Variants in KIAA1549L observed in about 807,000 individuals in gnomAD.
The protein encoded by KIAA1549L is UPF0606 protein KIAA1549L.
KIAA1549L carries 88 observed loss-of-function variants against 160.7 expected under a neutral mutation model. That is an observed-to-expected ratio of 0.55 (90% CI 0.46 to 0.65). KIAA1549L has a LOEUF of 0.65. Ranked by LOEUF, KIAA1549L falls within the 30% of genes least tolerant of loss-of-function variation. The pLI is 0.00. For missense variants in KIAA1549L, 2,258 were observed against 2,437.5 expected (o/e 0.93, Z 1.55); for synonymous variants, 950 against 976.7 (o/e 0.97, Z 0.51).
chr11:33,591,932 A>G (rs1850067232), intron 12 of KIAA1549L, among the ~76,000 whole-genome samples: 1 of 152,178 alleles, frequency 6.6e-6, no homozygotes, highest in African/African-American at 2.4e-5. Context: ...AATACCGAGG[A>G]TGAGGTATTG....
At chr11:33,570,732 A>T (rs974615204) in intron 9 of KIAA1549L, among the ~76,000 whole-genome samples, 3 of 152,248 alleles carry the variant, frequency 2.0e-5, no homozygotes, top group African/African-American at 7.2e-5. Flanking sequence ...TTAAGTTGAC[A>T]TATTTGAAAA....
chr11:33,491,539 G>A (rs959558018), intron 1 of KIAA1549L, among the ~76,000 whole-genome samples: 1 of 152,036 alleles, frequency 6.6e-6, no homozygotes, highest in African/African-American at 2.4e-5. Context: ...ATTTTCTATT[G>A]GGCTATTTTC....
At chr11:33,658,724 T>C in intron 18 of KIAA1549L, 26 bp from the exon 19 acceptor site, 1 of 1,562,102 alleles carries the variant, frequency 6.4e-7, no homozygotes, top group Non-Finnish European at 8.7e-7. Context: ...GGGACAGTGC[T>C]AACGCAGTCC....
Position 33,419,857 on chromosome 11 carries a change from T to TATACATAC in KIAA1549L, c.238+43012_238+43019dup, listed in dbSNP as rs60868652. The stretch of plus-strand genomic sequence containing the variant: ...GCAAGACTGTCTTTAAAAAAAATGT[T>TATACATAC]ATACATACATACATACATACATACA... On this transcript the variant is annotated intron_variant, in intron 1 of 20. Transcript: ENST00000658780. 8.5e-3 allele frequency among the ~76,000 whole-genome samples: 1,161 copies of TATACATAC among 136,486 alleles called. 9 individuals are homozygous for TATACATAC. Among genetic ancestry groups the TATACATAC allele is most frequent in the Admixed American group, 9.8e-3 (121 of 12,300 alleles). The allele number at this position is 136,486 out of a possible 152,430, so 89.5% of individuals were successfully genotyped here.
Position 33,551,273 on chromosome 11 carries a change from A to C in KIAA1549L, c.3721+14A>C. 6.2e-7 allele frequency: 1 copy of C among 1,606,928 alleles called. No individual in the cohort carries two copies. The highest frequency in any genetic ancestry group is 8.5e-7 in the Non-Finnish European group (1 of 1,175,802). ...AGCTAAAAACAGGCAAGTGACTCGGAAGGAAGGGATTTTCATCCATTCTTG... is the reference window on the plus strand; with the variant it reads ...AGCTAAAAACAGGCAAGTGACTCGGCAGGAAGGGATTTTCATCCATTCTTG... On this transcript the variant is annotated intron_variant, in intron 5 of 20. Coordinates refer to ENST00000658780, the MANE Select transcript of KIAA1549L (RefSeq NM_012194.3).
rs12790597 is a variant in KIAA1549L at position 33,435,800 on chromosome 11, A to G, written c.238+58911A>G. 4.0e-3 allele frequency among the ~76,000 whole-genome samples: 51 copies of G among 12,866 alleles called. 2 individuals are homozygous for G. The highest frequency in any genetic ancestry group is 5.8e-3 in the African/African-American group (20 of 3,422). 8.4% of individuals were successfully genotyped at this position (12,866 alleles called of 152,430 possible). On this transcript the variant is annotated intron_variant, in intron 1 of 20. Coordinates refer to ENST00000658780, the MANE Select transcript of KIAA1549L (RefSeq NM_012194.3). Reference sequence around the variant, plus strand: ...TATATATATATATATATATATATATATATATATATATGTGTGTGTATATAT... The same window carrying G: ...TATATATATATATATATATATATATGTATATATATATGTGTGTGTATATAT...
At chr11:33,440,120 CTTTTTTTTTTTTTT>C (rs201551936) in intron 1 of KIAA1549L, among the ~76,000 whole-genome samples, 2 of 83,426 alleles carry the variant, frequency 2.4e-5, no homozygotes, top group Non-Finnish European at 4.9e-5. Context: ...TATTTTGTTT[CTTTTTTTTTTTTTT>C]TTTTTTTTTT....
chr11:33,502,237 C>T (rs749788257), intron 1 of KIAA1549L, among the ~76,000 whole-genome samples: 1 of 152,166 alleles, frequency 6.6e-6, no homozygotes, highest in South Asian at 2.1e-4. Context: ...AGAGCTACAT[C>T]GCATCACTCA....
intron 15 of KIAA1549L, among the ~76,000 whole-genome samples, chr11:33,611,485 T>C (rs1277811909): frequency 1.3e-5 from 2 of 152,176 alleles, no homozygotes; most frequent in Non-Finnish European, 2.9e-5. Context: ...AGTGCTTAAT[T>C]TACCATGCTT....
chr11:33,535,316 G>T (rs185063863), intron 1 of KIAA1549L, among the ~76,000 whole-genome samples: 166 of 152,004 alleles, frequency 1.1e-3, no homozygotes, highest in African/African-American at 3.8e-3. Flanking sequence ...TGCAATATGC[G>T]GTATTATATA....
chr11:33,622,059 G>A (rs926425828), intron 16 of KIAA1549L, among the ~76,000 whole-genome samples: 1 of 152,186 alleles, frequency 6.6e-6, no homozygotes, highest in Non-Finnish European at 1.5e-5. Flanking sequence ...AATGTGGGCA[G>A]TGGGTTTGAA....
intron 1 of KIAA1549L, among the ~76,000 whole-genome samples, chr11:33,422,800 A>G (rs1851044973): frequency 6.6e-6 from 1 of 152,082 alleles, no homozygotes; most frequent in African/African-American, 2.4e-5. Flanking sequence ...AAGAAAAAAA[A>G]GGAAGGCTTA....
chr11:33,556,130 A>G (rs1188768132), intron 6 of KIAA1549L, among the ~76,000 whole-genome samples: 1 of 152,230 alleles, frequency 6.6e-6, no homozygotes, highest in African/African-American at 2.4e-5. Flanking sequence ...ATCTATTAGG[A>G]TGGCTATTCT....
At chr11:33,419,818 G>A (rs545238409) in intron 1 of KIAA1549L, among the ~76,000 whole-genome samples, 1 of 152,028 alleles carries the variant, frequency 6.6e-6, no homozygotes, top group East Asian at 1.9e-4. Context: ...CTACACTCCA[G>A]CCTGGGCAAC....
intron 16 of KIAA1549L, among the ~76,000 whole-genome samples, chr11:33,640,302 G>A (rs1851550143): frequency 1.3e-5 from 2 of 152,158 alleles, no homozygotes; most frequent in Non-Finnish European, 2.9e-5. Context: ...ATTTTTATAT[G>A]TGAGAAGGCA....
intron 16 of KIAA1549L, among the ~76,000 whole-genome samples, chr11:33,638,422 T>TAAA (rs371077129): frequency 1.8e-4 from 8 of 43,620 alleles, no homozygotes; most frequent in South Asian, 1.1e-3. Context: ...CTAAAATAAA[T>TAAA]AAAAAAAAAA....
At chr11:33,447,408 CCTT>C (rs1851633280) in intron 1 of KIAA1549L, among the ~76,000 whole-genome samples, 2 of 152,072 alleles carry the variant, frequency 1.3e-5, no homozygotes, top group Non-Finnish European at 2.9e-5. Flanking sequence ...ATTTCATACT[CCTT>C]AAGGATTTAC....
chr11:33,618,513 AG>A lies in KIAA1549L; in HGVS notation c.5280-19del, dbSNP rs764040314. On this transcript the variant is annotated intron_variant, in intron 15 of 20. Transcript: ENST00000658780. ...GTCAGGGCATTTGCTGCATCATAACAGTTGTTGAATTTTCTTCAGGCAACAG... is the reference window on the plus strand; with the variant it reads ...GTCAGGGCATTTGCTGCATCATAACATTGTTGAATTTTCTTCAGGCAACAG... 6.3e-6 allele frequency: 10 copies of A among 1,595,062 alleles called. No homozygotes were observed. Among genetic ancestry groups the A allele is most frequent in the African/African-American group, 1.3e-5 (1 of 74,686 alleles).
At chr11:33,515,138 C>G (rs1307665639) in intron 1 of KIAA1549L, among the ~76,000 whole-genome samples, 2 of 152,180 alleles carry the variant, frequency 1.3e-5, no homozygotes, top group East Asian at 1.9e-4. Context: ...TAAAAGCCAC[C>G]TGAGCTGTGG....
Sources: allele counts gnomAD v4.1 joint callset (sites outside exome capture counted in the v4.1 genomes callset), GRCh38; gene constraint gnomAD v4.1.1; transcripts MANE v1.5; gene names NCBI Gene and HGNC (gene_info 2026-07-23, HGNC 2026-07-21).